PPP1R12B: variants seen among roughly 807,000 people sequenced by gnomAD.
PPP1R12B encodes myosin phosphatase target subunit 2.
Under a neutral mutation model 126.1 loss-of-function variants are expected in PPP1R12B, and 76 were observed. That is an observed-to-expected ratio of 0.60 (90% CI 0.50 to 0.73). PPP1R12B has a LOEUF of 0.73. Among genes scored for constraint, PPP1R12B ranks in the 30% least tolerant of loss-of-function variants. PPP1R12B has a pLI of 0.00. For missense variants in PPP1R12B, 1,052 were observed against 1,205.1 expected (o/e 0.87, Z 1.88); for synonymous variants, 356 against 434.7 (o/e 0.82, Z 2.25).
Position 202,439,093 on chromosome 1 carries a change from C to T in PPP1R12B, c.1458+1069C>T, listed in dbSNP as rs142903334. On this transcript the variant is annotated intron_variant, in intron 10 of 23. Transcript: ENST00000608999. ...TTGCCATCAAGACCATCACCTCCAG[C>T]GCCAAAGTGGACATGACGTTCGAGG... 164 of 1,489,328 alleles carry T rather than the reference C, an allele frequency of 1.1e-4. No individual in the cohort carries two copies. The African/African-American group carries it at 2.0e-3, about 18-fold the overall frequency. The allele number at this position is 1,489,328 out of a possible 1,614,324, so 92.3% of individuals were successfully genotyped here.
chr1:202,352,126 A>G (rs567777004), intron 1 of PPP1R12B, among the ~76,000 whole-genome samples: 1 of 152,212 alleles, frequency 6.6e-6, no homozygotes, highest in African/African-American at 2.4e-5. Context: ...TTAACAAGGT[A>G]TTAATCTGAT....
intron 1 of PPP1R12B, among the ~76,000 whole-genome samples, chr1:202,397,352 C>G (rs1665139408): frequency 6.6e-6 from 1 of 152,150 alleles, no homozygotes; most frequent in African/African-American, 2.4e-5. Context: ...TTTTTCTTTT[C>G]TCTTCTCTGG....
chr1:202,442,350 A>G (rs1671739576), intron 11 of PPP1R12B, 97 bp from the exon 12 acceptor site: 10 of 1,359,310 alleles, frequency 7.4e-6, no homozygotes, highest in Non-Finnish European at 1.0e-5. Context: ...TAGCCATGTT[A>G]TAGTTTGCCT....
intron 13 of PPP1R12B, among the ~76,000 whole-genome samples, chr1:202,467,346 G>A (rs935294989): frequency 1.3e-5 from 2 of 151,588 alleles, no homozygotes; most frequent in East Asian, 1.9e-4. Context: ...TTAGCATTAG[G>A]TATATCTCCT....
At chr1:202,517,752 A>G (rs1332678942) in intron 18 of PPP1R12B, among the ~76,000 whole-genome samples, 1 of 151,902 alleles carries the variant, frequency 6.6e-6, no homozygotes, top group African/African-American at 2.4e-5. Flanking sequence ...CAGCCTCTCA[A>G]GTAGCTGGGA....
chr1:202,433,608 C>A (rs956078059), intron 8 of PPP1R12B, among the ~76,000 whole-genome samples: 2 of 152,224 alleles, frequency 1.3e-5, no homozygotes, highest in Non-Finnish European at 2.9e-5. Flanking sequence ...TTTCCTCAAA[C>A]CTGCCCTGAG....
chr1:202,460,118 G>A (rs1674129464), intron 13 of PPP1R12B, among the ~76,000 whole-genome samples: 1 of 152,134 alleles, frequency 6.6e-6, no homozygotes, highest in South Asian at 2.1e-4. Context: ...TGATTCTTTT[G>A]TTTTTCCTTT....
In PPP1R12B at chr1:202,442,445, A is replaced by G. The variant is rs775587332; in HGVS notation, c.1542-2A>G. 5 of 1,609,636 alleles carry G rather than the reference A, an allele frequency of 3.1e-6. No homozygotes were observed. In the South Asian group the frequency reaches 3.3e-5, roughly 11 times the overall value. ...TTTTGTTTTCCTTTCATGCTTCTACAGAGAATCAGCTGTTAATCTAGTGAG... is the reference window on the plus strand; with the variant it reads ...TTTTGTTTTCCTTTCATGCTTCTACGGAGAATCAGCTGTTAATCTAGTGAG... On this transcript the variant is annotated splice_acceptor_variant, in intron 11 of 23. Coordinates refer to ENST00000608999, the MANE Select transcript of PPP1R12B (RefSeq NM_002481.4). LOFTEE classifies it high-confidence loss of function.
At chr1:202,349,835 T>C (rs750119824) in intron 1 of PPP1R12B, among the ~76,000 whole-genome samples, 35 of 152,178 alleles carry the variant, frequency 2.3e-4, no homozygotes, top group Non-Finnish European at 2.6e-4. Flanking sequence ...TTTTTTTTTC[T>C]AAAGTGCTCT....
chr1:202,558,715 G>T, intron 18 of PPP1R12B, 162 bp from the exon 19 acceptor site: 1 of 556,092 alleles, frequency 1.8e-6, no homozygotes, highest in Non-Finnish European at 3.2e-6. Flanking sequence ...TAGTCAATTT[G>T]ATTGCTTTTC....
chr1:202,426,973 A>G (rs1669608691), intron 4 of PPP1R12B, 67 bp from the exon 5 acceptor site: 8 of 1,561,460 alleles, frequency 5.1e-6, no homozygotes, highest in African/African-American at 1.4e-5. Flanking sequence ...CAATTAGGTA[A>G]TAGTGTATTT....
At chr1:202,380,028 G>A (rs1318100499) in intron 1 of PPP1R12B, among the ~76,000 whole-genome samples, 1 of 152,090 alleles carries the variant, frequency 6.6e-6, no homozygotes, top group Admixed American at 6.6e-5. Context: ...TGTCTTACCA[G>A]TTTTTTTCCC....
intron 1 of PPP1R12B, among the ~76,000 whole-genome samples, chr1:202,374,897 G>A (rs1660915121): frequency 6.6e-6 from 1 of 151,860 alleles, no homozygotes; most frequent in South Asian, 2.1e-4. Flanking sequence ...GAAACAGTCT[G>A]CTGAATGATT....
In PPP1R12B at chr1:202,516,626, TA is replaced by T. The variant is rs111758794; in HGVS notation, c.2490+19815del. Among the ~76,000 whole-genome samples, 723 of 147,330 alleles carry T rather than the reference TA, an allele frequency of 4.9e-3. 7 individuals are homozygous for T. The highest frequency in any genetic ancestry group is 0.016 in the African/African-American group (654 of 40,526). On this transcript the variant is annotated intron_variant, in intron 18 of 23. Coordinates refer to ENST00000608999, the MANE Select transcript of PPP1R12B (RefSeq NM_002481.4). Reference sequence around the variant, plus strand: ...GCAGAGCTCCAAGATAGTTTGCCGTTAAAAAAAAAAATCCTCATAAAGGCTT... The same window carrying T: ...GCAGAGCTCCAAGATAGTTTGCCGTTAAAAAAAAAATCCTCATAAAGGCTT...
chr1:202,521,530 G>A (rs1012902593), intron 18 of PPP1R12B, among the ~76,000 whole-genome samples: 3 of 152,126 alleles, frequency 2.0e-5, no homozygotes, highest in Non-Finnish European at 4.4e-5. Flanking sequence ...AGAAAGAAGC[G>A]TTTAGACATC....
At chr1:202,563,030 G>C in intron 20 of PPP1R12B, 108 bp downstream of exon 20, 1 of 1,245,306 alleles carries the variant, frequency 8.0e-7, no homozygotes, top group Non-Finnish European at 1.1e-6. Context: ...CAGAAGAAAA[G>C]GCACTTAAGT....
At chr1:202,567,125 A>G (rs1195187409) in intron 21 of PPP1R12B, among the ~76,000 whole-genome samples, 1 of 152,204 alleles carries the variant, frequency 6.6e-6, no homozygotes, top group Non-Finnish European at 1.5e-5. Context: ...TTTTATTCAA[A>G]TAAAATTACC....
chr1:202,471,971 A>G (rs1675964550), intron 13 of PPP1R12B: 7 of 1,596,702 alleles, frequency 4.4e-6, no homozygotes, highest in Admixed American at 1.7e-5. Context: ...CCGTTTGTGC[A>G]TGGCTAAAGA....
In PPP1R12B at chr1:202,589,531, C is replaced by T. The variant is rs1690026195; in HGVS notation, c.*8971C>T. 1 of 152,238 alleles carries T rather than the reference C, an allele frequency of 6.6e-6. No individual in the cohort carries two copies. The highest frequency in any genetic ancestry group is 1.9e-4 in the East Asian group (1 of 5,202). 9.4% of individuals were successfully genotyped at this position (152,238 alleles called of 1,614,324 possible). A position where few individuals can be genotyped will look rare whatever the true frequency, so the allele number is the denominator to read the frequency against. ...AGAAGCATGACCGATGCAAAGGGTT[C>T]CTAGACTGCAAATGTCATTTCTCTT... is the stretch of plus-strand genomic sequence containing the variant. On this transcript the variant is annotated 3_prime_UTR_variant, in exon 24 of 24. Coordinates refer to ENST00000608999, the MANE Select transcript of PPP1R12B (RefSeq NM_002481.4).
Sources: gnomAD v4.1 joint callset for allele counts (sites outside exome capture counted in the v4.1 genomes callset) on GRCh38, gnomAD v4.1.1 for gene constraint, MANE v1.5 for transcripts, NCBI Gene and HGNC (gene_info 2026-07-23, HGNC 2026-07-21) for gene names.